The following NDUFB9 variants were observed in gnomAD, a reference collection of about 807,000 sequenced individuals.
NDUFB9 encodes NADH dehydrogenase [ubiquinone] 1 beta subcomplex subunit 9.
Under a neutral mutation model 30.2 loss-of-function variants are expected in NDUFB9, and 24 were observed. The observed-to-expected ratio is 0.80, with a 90% CI of 0.58 to 1.12. The LOEUF is 1.12. NDUFB9 is among the 50% of genes most tolerant of loss of function. The probability of loss-of-function intolerance (pLI) is 0.00; values close to 1 mark genes in which losing one functional copy is unlikely to be tolerated. For missense variants in NDUFB9, 204 were observed against 226.0 expected (o/e 0.90, Z 0.62); for synonymous variants, 80 against 84.0 (o/e 0.95, Z 0.26).
At chr8:124,544,161 T>G (rs1184184489) in intron 2 of NDUFB9, among the ~76,000 whole-genome samples, 1 of 152,242 alleles carries the variant, frequency 6.6e-6, no homozygotes, top group Non-Finnish European at 1.5e-5. Flanking sequence ...GACATTCCCT[T>G]AAGCCAAAGC....
intron 1 of NDUFB9, 95 bp downstream of exon 1, chr8:124,539,382 G>A (rs1563703321): frequency 1.8e-6 from 2 of 1,117,308 alleles, no homozygotes; most frequent in South Asian, 1.3e-5. Flanking sequence ...AGGACTTCGG[G>A]AACGGAATTG....
chr8:124,547,719 C>T (rs1822196310), intron 3 of NDUFB9, among the ~76,000 whole-genome samples: 1 of 152,034 alleles, frequency 6.6e-6, no homozygotes, highest in African/African-American at 2.4e-5. Flanking sequence ...GTGGCTCACA[C>T]CTATAATCCC....
At position 124,549,972 on chromosome 8, in the gene NDUFB9, A is replaced by G. The variant is rs994892008; in HGVS notation, c.*80A>G. ...CACTTGCCCTAATAAAAAATCAGTGAAATGGTCTCTGGTATGACTGACGTT... is the reference window on the plus strand; with the variant it reads ...CACTTGCCCTAATAAAAAATCAGTGGAATGGTCTCTGGTATGACTGACGTT... On this transcript the variant is annotated 3_prime_UTR_variant, in exon 4 of 4. Coordinates refer to ENST00000276689, the MANE Select transcript of NDUFB9 (RefSeq NM_005005.3). 6.2e-7 allele frequency: 1 copy of G among 1,605,614 alleles called. No individual in the cohort carries two copies. The highest frequency in any genetic ancestry group is 8.5e-7 in the Non-Finnish European group (1 of 1,175,718).
chr8:124,539,572 G>A (rs1053443682), intron 1 of NDUFB9: 26 of 440,254 alleles, frequency 5.9e-5, no homozygotes, highest in Non-Finnish European at 8.7e-5. Flanking sequence ...TGAAATAAAG[G>A]AAAGTGCCTA....
At chr8:124,543,847 C>CT (rs1415574555) in intron 2 of NDUFB9, among the ~76,000 whole-genome samples, 2 of 152,180 alleles carry the variant, frequency 1.3e-5, no homozygotes, top group Non-Finnish European at 2.9e-5. Flanking sequence ...ACCATAGCCT[C>CT]TAAGTGTTCA....
intron 1 of NDUFB9, 131 bp from the exon 2 acceptor site, chr8:124,542,956 C>A: frequency 1.1e-6 from 1 of 874,718 alleles, no homozygotes; most frequent in Non-Finnish European, 1.9e-6. Flanking sequence ...GATACGGCTG[C>A]TCCATTGGGA....
intron 3 of NDUFB9, 86 bp from the exon 4 acceptor site, chr8:124,549,675 A>C: frequency 7.7e-7 from 1 of 1,304,830 alleles, no homozygotes; most frequent in Non-Finnish European, 1.1e-6. Context: ...CACCATAGAC[A>C]TAAAGCTGAC....
chr8:124,547,640 G>A (rs918993880), intron 3 of NDUFB9, among the ~76,000 whole-genome samples: 6 of 152,086 alleles, frequency 3.9e-5, no homozygotes, highest in Admixed American at 2.0e-4. Context: ...GGGATGTGAC[G>A]ACTGACTGGA....
chr8:124,549,867 C>T lies in NDUFB9; in HGVS notation c.515C>T (p.Thr172Ile), dbSNP rs1255237756. 1.2e-6 allele frequency: 2 copies of T among 1,614,212 alleles called. No homozygotes were observed. The highest frequency in any genetic ancestry group is 1.1e-5 in the South Asian group (1 of 91,078). ...DLPPLWWYIV[T>I]RPRERPM ...CCCCCACTGTGGTGGTATATTGTGA[C>T]CAGACCCCGGGAGCGGCCCATGTAG... is the stretch of plus-strand genomic sequence containing the variant. Residue 172 changes from threonine (T) to isoleucine (I), a missense_variant, in exon 4 of 4, where the codon ACC (threonine) becomes ATC (isoleucine). Coordinates refer to ENST00000276689, the MANE Select transcript of NDUFB9 (RefSeq NM_005005.3).
At chr8:124,545,137 G>A (rs1822123159) in intron 2 of NDUFB9, among the ~76,000 whole-genome samples, 1 of 152,204 alleles carries the variant, frequency 6.6e-6, no homozygotes, top group Non-Finnish European at 1.5e-5. Context: ...GCTTCTTATG[G>A]ATGAATACGA....
In NDUFB9 at chr8:124,547,451, G is replaced by A. The variant is rs1394515941; in HGVS notation, c.408+338G>A. On this transcript the variant is annotated intron_variant, in intron 3 of 3. Coordinates refer to ENST00000276689, the MANE Select transcript of NDUFB9 (RefSeq NM_005005.3). ...TTTTTCAGTCATGTTAGGATGGTCA[G>A]TTATATTTTTAAAAGCTCAATCTTG... is the stretch of plus-strand genomic sequence containing the variant. The A allele has an allele frequency of 8.5e-6, 5 of 586,974 alleles. No homozygotes were observed. The East Asian group carries it at 1.1e-4, about 13-fold the overall frequency. 36.4% of individuals were successfully genotyped at this position (586,974 alleles called of 1,614,324 possible). A position where few individuals can be genotyped will look rare whatever the true frequency, so the allele number is the denominator to read the frequency against.
At position 124,539,143 on chromosome 8, in the gene NDUFB9, C is replaced by T. The variant is rs1586706376; in HGVS notation, c.-44C>T. 4 of 1,613,192 alleles carry T rather than the reference C, an allele frequency of 2.5e-6. No individual in the cohort carries two copies. The highest frequency in any genetic ancestry group is 2.5e-6 in the Non-Finnish European group (3 of 1,179,126). The stretch of plus-strand genomic sequence containing the variant: ...CGCTCAGTCACCCGCAGCAGGCGTG[C>T]AGTTTCCCGGCTCTCCGCGCGGCCG... On this transcript the variant is annotated 5_prime_UTR_variant, in exon 1 of 4. Transcript: ENST00000276689.
chr8:124,548,358 T>C (rs1822219351), intron 3 of NDUFB9, among the ~76,000 whole-genome samples: 1 of 152,194 alleles, frequency 6.6e-6, no homozygotes, highest in Non-Finnish European at 1.5e-5. Context: ...TATAAATACA[T>C]TTGGGTTAGA....
Position 124,539,201 on chromosome 8 carries a change from G to T in NDUFB9, c.15G>T (p.Ala5=), listed in dbSNP as rs758765132. MAFL[A]SGPYLTHQQK... ...TCAGCGCCGTAATGGCGTTCTTGGC[G>T]TCGGGACCCTACCTGACCCATCAGC... The change falls in exon 1 of 4, where the codon GCG becomes GCT. Residue 5 remains alanine (A), a synonymous_variant. Transcript: ENST00000276689. 1.9e-6 allele frequency: 3 copies of T among 1,614,106 alleles called. No individual in the cohort carries two copies. The highest frequency in any genetic ancestry group is 1.1e-5 in the South Asian group (1 of 91,094).
chr8:124,539,328 G>T (rs949160530), intron 1 of NDUFB9, 41 bp downstream of exon 1: 4 of 1,602,096 alleles, frequency 2.5e-6, no homozygotes, highest in Non-Finnish European at 3.4e-6. Context: ...GTGACCCTCG[G>T]GGCCCCATGG....
intron 2 of NDUFB9, chr8:124,546,748 G>A (rs1822170026): frequency 5.4e-6 from 3 of 555,640 alleles, no homozygotes; most frequent in Non-Finnish European, 6.4e-6. Flanking sequence ...GGTAGGGGAG[G>A]AATGAAGCCA....
Position 124,543,230 on chromosome 8 carries a change from T to G in NDUFB9, c.245T>G (p.Phe82Cys). 6.2e-7 allele frequency: 1 copy of G among 1,614,186 alleles called. No homozygotes were observed. The change falls in exon 2 of 4, where the codon TTC (phenylalanine) becomes TGC (cysteine). Residue 82 changes from phenylalanine to cysteine, a missense_variant. Phe to Cys is a radical substitution (Grantham distance 205). Coordinates refer to ENST00000276689, the MANE Select transcript of NDUFB9 (RefSeq NM_005005.3). Reference sequence around the variant, plus strand: ...CGTCAGCATCCACAGCCATACATCTTCCCTGACTCTCCTGGGGGCACCTCC... The same window carrying G: ...CGTCAGCATCCACAGCCATACATCTGCCCTGACTCTCCTGGGGGCACCTCC... Reference protein sequence around the residue: ...WYRQHPQPYIFPDSPGGTSYE... With the variant: ...WYRQHPQPYICPDSPGGTSYE...
In NDUFB9 at chr8:124,539,151, C is replaced by G. The variant is rs79736226; in HGVS notation, c.-36C>G. ...CACCCGCAGCAGGCGTGCAGTTTCC[C>G]GGCTCTCCGCGCGGCCGGGGAAGGT... On this transcript the variant is annotated 5_prime_UTR_variant, in exon 1 of 4. Coordinates refer to ENST00000276689, the MANE Select transcript of NDUFB9 (RefSeq NM_005005.3). 1,868 of 1,613,684 alleles carry G rather than the reference C, an allele frequency of 1.2e-3. 15 individuals carry two copies. In the African/African-American group the frequency reaches 0.022, roughly 19 times the overall value.
Position 124,549,933 on chromosome 8 carries a change from T to C in NDUFB9, c.*41T>C. ...ATCTTTCATGCTTGCAAGTGAAATATGTTACAGAACATGCACTTGCCCTAA... is the reference window on the plus strand; with the variant it reads ...ATCTTTCATGCTTGCAAGTGAAATACGTTACAGAACATGCACTTGCCCTAA... On this transcript the variant is annotated 3_prime_UTR_variant, in exon 4 of 4. Transcript: ENST00000276689. 1.9e-6 allele frequency: 3 copies of C among 1,613,776 alleles called. No homozygotes were observed. The highest frequency in any genetic ancestry group is 1.3e-5 in the African/African-American group (1 of 75,056).
Sources: gnomAD v4.1 joint callset for allele counts (sites outside exome capture counted in the v4.1 genomes callset) on GRCh38, gnomAD v4.1.1 for gene constraint, MANE v1.5 for transcripts, NCBI Gene and HGNC (gene_info 2026-07-23, HGNC 2026-07-21) for gene names.